GPATCH2: variants seen among roughly 807,000 people sequenced by gnomAD.
GPATCH2 encodes G-patch domain containing 2, also known as G patch domain-containing protein 2.
GPATCH2 carries 51 observed loss-of-function variants against 58.0 expected under a neutral mutation model. The ratio of observed to expected loss-of-function variants is 0.88; its 90% CI spans 0.70 to 1.11. GPATCH2 has a LOEUF of 1.11. Among genes scored for constraint, GPATCH2 ranks in the 50% most tolerant of loss-of-function variants. The pLI, the probability that GPATCH2 is intolerant of heterozygous loss-of-function variation, is 0.00. For synonymous variants in GPATCH2, 222 were observed against 218.5 expected, an observed-to-expected ratio of 1.02 and a Z score of -0.14; for missense variants, 625 against 652.2, an observed-to-expected ratio of 0.96 and a Z score of 0.45.
At chr1:217,572,004 G>A (rs867923141) in intron 5 of GPATCH2, among the ~76,000 whole-genome samples, 5 of 134,870 alleles carry the variant, frequency 3.7e-5, no homozygotes, top group Admixed American at 3.0e-4. Context: ...AAGGAAAGAA[G>A]GAAGGAAGGA....
intron 5 of GPATCH2, among the ~76,000 whole-genome samples, chr1:217,567,514 A>T (rs567914259): frequency 5.9e-5 from 9 of 152,330 alleles, no homozygotes; most frequent in African/African-American, 1.7e-4. Flanking sequence ...GTGCAAGCAC[A>T]CTACCTTAGC....
At chr1:217,467,638 A>G (rs927139973) in intron 8 of GPATCH2, among the ~76,000 whole-genome samples, 3 of 152,174 alleles carry the variant, frequency 2.0e-5, no homozygotes, top group Non-Finnish European at 2.9e-5. Context: ...CAGAAAGTAT[A>G]AACAATAAAG....
At chr1:217,582,382 G>A (rs2102745476) in intron 5 of GPATCH2, among the ~76,000 whole-genome samples, 1 of 152,024 alleles carries the variant, frequency 6.6e-6, no homozygotes, top group Admixed American at 6.5e-5. Context: ...TTACCTTAAA[G>A]TCATCATAAC....
chr1:217,565,135 G>C (rs1445258534), intron 5 of GPATCH2, among the ~76,000 whole-genome samples: 1 of 152,112 alleles, frequency 6.6e-6, no homozygotes, highest in Non-Finnish European at 1.5e-5. Flanking sequence ...TGAGATTTTA[G>C]TCACTGAATT....
chr1:217,614,282 C>T, intron 2 of GPATCH2, 80 bp from the exon 3 acceptor site: 1 of 786,656 alleles, frequency 1.3e-6, no homozygotes, highest in Admixed American at 2.0e-5. Context: ...GACATGGCAG[C>T]TCAGAGATGG....
At chr1:217,470,442 G>C (rs1660673865) in intron 8 of GPATCH2, among the ~76,000 whole-genome samples, 1 of 152,112 alleles carries the variant, frequency 6.6e-6, no homozygotes, top group African/African-American at 2.4e-5. Context: ...ACCACCCACT[G>C]GGCATATTAC....
chr1:217,563,530 T>C (rs1666034493), intron 5 of GPATCH2, among the ~76,000 whole-genome samples: 1 of 152,146 alleles, frequency 6.6e-6, no homozygotes, highest in Admixed American at 6.5e-5. Flanking sequence ...AGAATTTGAT[T>C]GACATTGATA....
rs544144954 is a variant in GPATCH2, at chr1:217,617,541, C to T, written c.773+2242G>A. The stretch of plus-strand genomic sequence containing the variant: ...ATGTTTGTTAAATCTGACACACACA[C>T]ACAGCCCCCCACACTGAAGTTTCTC... On this transcript the variant is annotated intron_variant, in intron 2 of 9. Transcript: ENST00000366935. Among the ~76,000 whole-genome samples, 5 of 152,268 alleles carry T rather than the reference C, an allele frequency of 3.3e-5. No homozygotes were observed. In the East Asian group the frequency reaches 9.7e-4, roughly 29 times the overall value.
chr1:217,581,099 TC>T (rs1667061466), intron 5 of GPATCH2, among the ~76,000 whole-genome samples: 1 of 151,664 alleles, frequency 6.6e-6, no homozygotes, highest in South Asian at 2.1e-4. Flanking sequence ...TTTAACAAGA[TC>T]CACTCCCACC....
At chr1:217,478,180 A>G (rs1035198156) in intron 8 of GPATCH2, among the ~76,000 whole-genome samples, 3 of 152,182 alleles carry the variant, frequency 2.0e-5, no homozygotes, top group Non-Finnish European at 4.4e-5. Flanking sequence ...TGCAAGAAAG[A>G]TGGGTACAAA....
intron 5 of GPATCH2, among the ~76,000 whole-genome samples, chr1:217,601,375 C>T (rs570229365): frequency 1.3e-5 from 2 of 151,658 alleles, no homozygotes; most frequent in East Asian, 1.9e-4. Context: ...ATCACATTAC[C>T]CCATAAATAT....
intron 9 of GPATCH2, among the ~76,000 whole-genome samples, chr1:217,432,613 T>C (rs1312868003): frequency 6.6e-6 from 1 of 152,148 alleles, no homozygotes; most frequent in African/African-American, 2.4e-5. Flanking sequence ...TTATGGTGTA[T>C]GAAAAGGGAA....
chr1:217,525,977 T>TG (rs1327430706), intron 5 of GPATCH2, among the ~76,000 whole-genome samples: 1 of 152,206 alleles, frequency 6.6e-6, no homozygotes, highest in East Asian at 1.9e-4. Context: ...TCTTTCCACA[T>TG]TATTCAACAA....
rs1305163487 is a variant in GPATCH2, at chr1:217,610,386, G to A, written c.1033C>T (p.Leu345Phe). 1.3e-6 allele frequency: 2 copies of A among 1,598,150 alleles called. No homozygotes were observed. Among genetic ancestry groups the A allele is most frequent in the Non-Finnish European group, 8.6e-7 (1 of 1,166,916 alleles). ...GAAGACATTCCATGAAGGCGACTGA[G>A]TCTAGCTTGGAAACCTGTAAAATCA... ...HPSRRGFQAR[L>F]SRLHGMSSKN... Residue 345 changes from leucine (L) to phenylalanine (F), a missense_variant, in exon 5 of 10, where the codon CTC (leucine) becomes TTC (phenylalanine). Transcript: ENST00000366935.
intron 5 of GPATCH2, among the ~76,000 whole-genome samples, chr1:217,557,602 G>A (rs1665708647): frequency 6.6e-6 from 1 of 152,038 alleles, no homozygotes; most frequent in Admixed American, 6.6e-5. Flanking sequence ...TTTTGTATGT[G>A]CTATCAGATA....
intron 5 of GPATCH2, among the ~76,000 whole-genome samples, chr1:217,581,341 AG>A (rs1278625706): frequency 6.6e-6 from 1 of 152,242 alleles, no homozygotes; most frequent in Non-Finnish European, 1.5e-5. Context: ...TTACAAGAAA[AG>A]GCCCTTAATA....
intron 6 of GPATCH2, among the ~76,000 whole-genome samples, chr1:217,501,033 G>A (rs1662273536): frequency 6.6e-6 from 1 of 151,938 alleles, no homozygotes; most frequent in Admixed American, 6.6e-5. Context: ...ACTAGATACA[G>A]AACAATTTAT....
intron 3 of GPATCH2, 108 bp downstream of exon 3, chr1:217,614,033 T>C (rs1199241739): frequency 2.8e-6 from 2 of 710,732 alleles, no homozygotes; most frequent in East Asian, 2.5e-5. Context: ...AAGTAATATG[T>C]GTAAGGTAAA....
chr1:217,544,277 C>G (rs1319332660), intron 5 of GPATCH2, among the ~76,000 whole-genome samples: 1 of 152,104 alleles, frequency 6.6e-6, no homozygotes, highest in African/African-American at 2.4e-5. Context: ...GCCTCTAATC[C>G]CAGCTGTTGG....
Sources: allele counts gnomAD v4.1 joint callset (sites outside exome capture counted in the v4.1 genomes callset), GRCh38; gene constraint gnomAD v4.1.1; transcripts MANE v1.5; gene names NCBI Gene and HGNC (gene_info 2026-07-23, HGNC 2026-07-21).